ZFP91: variants seen among roughly 807,000 people sequenced by gnomAD.
The protein encoded by ZFP91 is E3 ubiquitin-protein ligase ZFP91.
A neutral mutation model predicts 63.5 loss-of-function variants in ZFP91; 7 were observed. The observed-to-expected ratio is 0.11, with a 90% CI of 0.06 to 0.21. ZFP91 has a LOEUF of 0.21. Among genes scored for constraint, ZFP91 ranks in the 10% least tolerant of loss-of-function variants. The probability of loss-of-function intolerance (pLI) is 1.00; values close to 1 mark genes in which losing one functional copy is unlikely to be tolerated. For synonymous variants in ZFP91, 330 were observed against 272.1 expected, an observed-to-expected ratio of 1.21 and a Z score of -2.10; for missense variants, 628 against 736.6, an observed-to-expected ratio of 0.85 and a Z score of 1.71.
chr11:58,588,400 A>G (rs1855247617), intron 2 of ZFP91, among the ~76,000 whole-genome samples: 1 of 152,162 alleles, frequency 6.6e-6, no homozygotes, highest in African/African-American at 2.4e-5. Context: ...ATCTGTAATT[A>G]TTACTAAAGT....
chr11:58,609,834 C>G lies in ZFP91; in HGVS notation c.375C>G (p.Pro125=). ...ATGGTATGTCTTTTTATTTAGATCC[C>G]AAGGAAGAAAAAGAGGAAGAAGACG... is the stretch of plus-strand genomic sequence containing the variant. ...CIEKVTTDKD[P]KEEKEEEDDS... Residue 125 remains proline (P), a synonymous_variant, in exon 3 of 11, where the codon CCC becomes CCG. Coordinates refer to ENST00000316059, the MANE Select transcript of ZFP91 (RefSeq NM_053023.5). The G allele has an allele frequency of 6.2e-7, 1 of 1,613,778 alleles. No individual in the cohort carries two copies. The highest frequency in any genetic ancestry group is 8.5e-7 in the Non-Finnish European group (1 of 1,179,790).
intron 1 of ZFP91, among the ~76,000 whole-genome samples, chr11:58,580,305 C>A (rs1285485203): frequency 6.6e-6 from 1 of 152,156 alleles, no homozygotes; most frequent in Non-Finnish European, 1.5e-5. Flanking sequence ...GTAGGAACTT[C>A]ATCCTTGAAA....
Position 58,612,976 on chromosome 11 carries a change from T to G in ZFP91, c.987+136T>G, listed in dbSNP as rs1246583028. ...GTCAAGAAAAGTCTTTCTTTAAACA[T>G]AAAATGACTTTAACCCATTTATGCC... On this transcript the variant is annotated intron_variant, in intron 8 of 10. Transcript: ENST00000316059. 3 of 747,446 alleles carry G rather than the reference T, an allele frequency of 4.0e-6. No individual in the cohort carries two copies. The East Asian group carries it at 8.3e-5, about 21-fold the overall frequency. The allele number at this position is 747,446 out of a possible 1,614,324, so 46.3% of individuals were successfully genotyped here.
At chr11:58,580,020 A>G (rs1855081547) in intron 1 of ZFP91, among the ~76,000 whole-genome samples, 1 of 151,720 alleles carries the variant, frequency 6.6e-6, no homozygotes, top group Admixed American at 6.6e-5. Flanking sequence ...CAGCCCGATC[A>G]TAGCCTTCAA....
In ZFP91 at chr11:58,617,724, G is replaced by A; in HGVS notation, c.*18G>A. On this transcript the variant is annotated 3_prime_UTR_variant, in exon 11 of 11. Transcript: ENST00000316059. This position sits in a 1 kb window ranked among gnomAD's most constrained non-coding sequence, Gnocchi z 4.2. ...GACCTTAGTGGACAGGAAGACTTGG[G>A]GCATGGGACAGCTCAGACTTTGTAT... 2 of 1,489,724 alleles carry A rather than the reference G, an allele frequency of 1.3e-6. No individual in the cohort carries two copies. Among genetic ancestry groups the A allele is most frequent in the South Asian group, 1.4e-5 (1 of 70,400 alleles). The allele number at this position is 1,489,724 out of a possible 1,614,324, so 92.3% of individuals were successfully genotyped here.
chr11:58,618,342 A>T lies in ZFP91; in HGVS notation c.*636A>T, dbSNP rs977509730. On this transcript the variant is annotated 3_prime_UTR_variant, in exon 11 of 11. Coordinates refer to ENST00000316059, the MANE Select transcript of ZFP91 (RefSeq NM_053023.5). ...CACCTCCCCCTTCTTTGATCCCAGC[A>T]TCTCAGTCCCCCTCCCAACCCTCCA... 1 of 197,004 alleles carries T rather than the reference A, an allele frequency of 5.1e-6. No homozygotes were observed. The highest frequency in any genetic ancestry group is 5.8e-5 in the Admixed American group (1 of 17,160). The allele number at this position is 197,004 out of a possible 1,614,324, so 12.2% of individuals were successfully genotyped here. A position where few individuals can be genotyped will look rare whatever the true frequency, so the allele number is the denominator to read the frequency against.
At chr11:58,613,619 T>C (rs988861888) in intron 8 of ZFP91, among the ~76,000 whole-genome samples, 16 of 152,206 alleles carry the variant, frequency 1.1e-4, no homozygotes, top group African/African-American at 3.9e-4. Context: ...AAAGTAAAAT[T>C]AGAACTCAAA....
intron 1 of ZFP91, among the ~76,000 whole-genome samples, chr11:58,582,112 C>T (rs992014076): frequency 6.6e-6 from 1 of 152,134 alleles, no homozygotes; most frequent in Non-Finnish European, 1.5e-5. Flanking sequence ...GTATCTGGGC[C>T]TGGTACTATG....
chr11:58,610,749 A>G lies in ZFP91; in HGVS notation c.618-201A>G, dbSNP rs552955433. Among the ~76,000 whole-genome samples, 3 of 152,290 alleles carry G rather than the reference A, an allele frequency of 2.0e-5. No individual in the cohort carries two copies. In the South Asian group the frequency reaches 6.2e-4, roughly 32 times the overall value. On this transcript the variant is annotated intron_variant, in intron 4 of 10. Coordinates refer to ENST00000316059, the MANE Select transcript of ZFP91 (RefSeq NM_053023.5). ...ATTGAGTTGTCATCACCCTGTCTTTATCTAGGATTTATGTCTTTTTAGTTT... is the reference window on the plus strand; with the variant it reads ...ATTGAGTTGTCATCACCCTGTCTTTGTCTAGGATTTATGTCTTTTTAGTTT...
chr11:58,600,060 C>A (rs1855467699), intron 2 of ZFP91, among the ~76,000 whole-genome samples: 2 of 152,162 alleles, frequency 1.3e-5, no homozygotes, highest in Admixed American at 1.3e-4. Context: ...TAGTTTTATG[C>A]CGGTAATACA....
chr11:58,606,065 C>T (rs977139514), intron 2 of ZFP91, among the ~76,000 whole-genome samples: 21 of 151,794 alleles, frequency 1.4e-4, no homozygotes, highest in Admixed American at 5.9e-4. Context: ...TCTCTTAGTT[C>T]CTTTTTTGTG....
chr11:58,596,055 A>G lies in ZFP91; in HGVS notation c.370+11171A>G, dbSNP rs557982008. Among the ~76,000 whole-genome samples the G allele has an allele frequency of 2.6e-5, 4 of 152,318 alleles. No individual in the cohort carries two copies. The East Asian group carries it at 7.7e-4, about 29-fold the overall frequency. On this transcript the variant is annotated intron_variant, in intron 2 of 10. Transcript: ENST00000316059. ...CTTTACTAATAGCCTGCTGTTGACC[A>G]GAAGCTTTATCAATAACATAAAGTC...
chr11:58,616,493 T>G (rs1408842147), intron 9 of ZFP91, among the ~76,000 whole-genome samples: 1 of 152,132 alleles, frequency 6.6e-6, no homozygotes, highest in Non-Finnish European at 1.5e-5. Context: ...TTTTTCTGTT[T>G]GTTTTTGTTT....
Position 58,607,168 on chromosome 11 carries a change from C to T in ZFP91, c.371-2662C>T, listed in dbSNP as rs183566226. Among the ~76,000 whole-genome samples, 13 of 151,816 alleles carry T rather than the reference C, an allele frequency of 8.6e-5. No individual in the cohort carries two copies. In the East Asian group the frequency reaches 9.7e-4, roughly 11 times the overall value. ...TATGGAGTGAGTTCAAAGTCCAACT[C>T]GGTACAGTTGGGTTAAGGAAAAAAA... is the stretch of plus-strand genomic sequence containing the variant. On this transcript the variant is annotated intron_variant, in intron 2 of 10. Transcript: ENST00000316059.
chr11:58,579,686 T>A lies in ZFP91; in HGVS notation c.341+64T>A, dbSNP rs544064501. On this transcript the variant is annotated intron_variant, in intron 1 of 10. Coordinates refer to ENST00000316059, the MANE Select transcript of ZFP91 (RefSeq NM_053023.5). ...TCTGTCCGTACGCAACCCTCTCGGC[T>A]CCCGTAGCGCCTACTCCACGTGACA... 3.1e-5 allele frequency: 44 copies of A among 1,406,586 alleles called. No individual in the cohort carries two copies. The African/African-American group carries it at 3.9e-4, about 12-fold the overall frequency. The allele number at this position is 1,406,586 out of a possible 1,614,324, so 87.1% of individuals were successfully genotyped here. A position where few individuals can be genotyped will look rare whatever the true frequency, so the allele number is the denominator to read the frequency against.
intron 2 of ZFP91, among the ~76,000 whole-genome samples, chr11:58,588,793 C>A (rs1855255937): frequency 6.6e-6 from 1 of 152,038 alleles, no homozygotes; most frequent in Non-Finnish European, 1.5e-5. Context: ...ACAGAAGACA[C>A]ATTTTTATGC....
intron 2 of ZFP91, among the ~76,000 whole-genome samples, chr11:58,592,001 T>G (rs1170868097): frequency 1.3e-5 from 2 of 152,094 alleles, no homozygotes; most frequent in African/African-American, 4.8e-5. Context: ...TAGGTAAGTA[T>G]TGTTTTCAGG....
At chr11:58,597,276 A>C (rs1010320686) in intron 2 of ZFP91, among the ~76,000 whole-genome samples, 3 of 152,186 alleles carry the variant, frequency 2.0e-5, no homozygotes, top group African/African-American at 4.8e-5. Flanking sequence ...GCTTTTACAC[A>C]AAACAGTGGA....
intron 1 of ZFP91, among the ~76,000 whole-genome samples, chr11:58,580,180 C>A (rs1409897896): frequency 1.3e-5 from 2 of 151,602 alleles, no homozygotes; most frequent in African/African-American, 4.8e-5. Flanking sequence ...AGGTTAAAAG[C>A]CCACTGCTAC....
Sources: gnomAD v4.1 joint callset for allele counts (sites outside exome capture counted in the v4.1 genomes callset) on GRCh38, gnomAD v4.1.1 for gene constraint, Gnocchi (gnomAD v3.1) non-coding constraint, MANE v1.5 for transcripts, NCBI Gene and HGNC (gene_info 2026-07-23, HGNC 2026-07-21) for gene names.